Variants in PAPPA observed in about 807,000 individuals in gnomAD.
The protein encoded by PAPPA is pappalysin-1.
PAPPA carries 60 observed loss-of-function variants against 164.0 expected under a neutral mutation model. The ratio of observed to expected loss-of-function variants is 0.37; its 90% CI spans 0.30 to 0.45. The LOEUF is 0.45. PAPPA is among the 20% of genes least tolerant of loss of function. PAPPA has a pLI of 1.00. For synonymous variants in PAPPA, 875 were observed against 814.1 expected (o/e 1.07, Z -1.27); for missense variants, 1,782 against 2,087.3 (o/e 0.85, Z 2.85).
At chr9:116,221,517 C>G (rs181367242) in intron 5 of PAPPA, among the ~76,000 whole-genome samples, 123 of 152,202 alleles carry the variant, frequency 8.1e-4, no homozygotes, top group Non-Finnish European at 1.2e-4. Flanking sequence ...TAACCTTGTA[C>G]AAAACAAATC....
At chr9:116,190,411 C>T (rs1443510958) in intron 2 of PAPPA, among the ~76,000 whole-genome samples, 1 of 152,178 alleles carries the variant, frequency 6.6e-6, no homozygotes, top group African/African-American at 2.4e-5. Flanking sequence ...ACCCTTAGCC[C>T]TGTTTTGCTT....
At chr9:116,324,749 G>T (rs1845900913) in intron 10 of PAPPA, among the ~76,000 whole-genome samples, 1 of 152,094 alleles carries the variant, frequency 6.6e-6, no homozygotes, top group South Asian at 2.1e-4. Context: ...CAGCGGTGGT[G>T]GGCGTGGGGG....
Position 116,393,842 on chromosome 9 carries a change from G to T in PAPPA, c.4777-2667G>T, listed in dbSNP as rs190914588. On this transcript the variant is annotated intron_variant, in intron 21 of 21. Coordinates refer to ENST00000328252, the MANE Select transcript of PAPPA (RefSeq NM_002581.5). Reference sequence around the variant, plus strand: ...CCAATAAATAAAGAAGCCACTGAGAGTGAGGAGGAGAAGGAAACCATGTAA... The same window carrying T: ...CCAATAAATAAAGAAGCCACTGAGATTGAGGAGGAGAAGGAAACCATGTAA... Among the ~76,000 whole-genome samples, 11 of 152,294 alleles carry T rather than the reference G, an allele frequency of 7.2e-5. No individual in the cohort carries two copies. In the East Asian group the frequency reaches 1.7e-3, roughly 24 times the overall value.
chr9:116,188,109 T>C lies in PAPPA; in HGVS notation c.1371T>C (p.Cys457=), dbSNP rs1055607460. ...TGAAGAAGCAGCACAACGGGGTGTG[T>C]GACATGGACTGCAACTATGAACGGT... is the stretch of plus-strand genomic sequence containing the variant. The part of the protein sequence containing the change: ...AFVKKQHNGV[C]DMDCNYERFN... Residue 457 remains cysteine, a synonymous_variant, in exon 2 of 22, where the codon TGT becomes TGC. Coordinates refer to ENST00000328252, the MANE Select transcript of PAPPA (RefSeq NM_002581.5). The C allele has an allele frequency of 1.2e-6, 2 of 1,614,068 alleles. No homozygotes were observed. Among genetic ancestry groups the C allele is most frequent in the African/African-American group, 2.7e-5 (2 of 74,918 alleles).
intron 1 of PAPPA, among the ~76,000 whole-genome samples, chr9:116,186,234 G>A (rs1843967974): frequency 6.7e-6 from 1 of 148,500 alleles, no homozygotes; most frequent in African/African-American, 2.5e-5. Flanking sequence ...GTGTGTGTGT[G>A]TGTATCTATA....
intron 5 of PAPPA, among the ~76,000 whole-genome samples, chr9:116,222,925 T>C (rs1270615274): frequency 6.6e-6 from 1 of 152,234 alleles, no homozygotes; most frequent in African/African-American, 2.4e-5. Context: ...TGTAAACATA[T>C]ATCAAAACAT....
At chr9:116,307,282 C>G (rs996651248) in intron 10 of PAPPA, among the ~76,000 whole-genome samples, 7 of 152,126 alleles carry the variant, frequency 4.6e-5, no homozygotes, top group Admixed American at 3.9e-4. Context: ...CTTGGCCCAT[C>G]CATAATACTT....
At chr9:116,172,821 G>T (rs1045258887) in intron 1 of PAPPA, among the ~76,000 whole-genome samples, 1 of 151,976 alleles carries the variant, frequency 6.6e-6, no homozygotes, top group East Asian at 1.9e-4. Flanking sequence ...CCAAACTTTT[G>T]ATTTAAAGTC....
intron 21 of PAPPA, among the ~76,000 whole-genome samples, chr9:116,383,798 T>G (rs1043597012): frequency 8.5e-5 from 13 of 152,334 alleles, no homozygotes; most frequent in African/African-American, 3.1e-4. Context: ...TTCGGTTTGG[T>G]TTTGATTTTT....
intron 7 of PAPPA, among the ~76,000 whole-genome samples, chr9:116,243,733 T>G (rs918044113): frequency 3.9e-5 from 6 of 152,152 alleles, no homozygotes; most frequent in African/African-American, 1.4e-4. Context: ...TTTTTATTGT[T>G]TTTTTGAACA....
chr9:116,230,112 A>G (rs1412955730), intron 6 of PAPPA, among the ~76,000 whole-genome samples: 4 of 152,274 alleles, frequency 2.6e-5, no homozygotes, highest in African/African-American at 9.6e-5. Context: ...CGGAGCTCCA[A>G]GGAAACCCAG....
intron 1 of PAPPA, among the ~76,000 whole-genome samples, chr9:116,165,322 G>A (rs970252307): frequency 4.6e-5 from 7 of 152,132 alleles, no homozygotes; most frequent in Admixed American, 4.6e-4. Flanking sequence ...GGAAATGTTA[G>A]CACATTCTAC....
rs1219890424 is a variant in PAPPA at position 116,169,413 on chromosome 9, G to A, written c.415+14826G>A. 2.2e-5 allele frequency among the ~76,000 whole-genome samples: 3 copies of A among 135,638 alleles called. No individual in the cohort carries two copies. The Admixed American group carries it at 2.5e-4, about 11-fold the overall frequency. The allele number at this position is 135,638 out of a possible 152,430, so 89.0% of individuals were successfully genotyped here. ...TGGCTTACTGCAACCTCCACCTCCC[G>A]AGGTCAAGCAATTCTCCTGCCTCAG... On this transcript the variant is annotated intron_variant, in intron 1 of 21. Coordinates refer to ENST00000328252, the MANE Select transcript of PAPPA (RefSeq NM_002581.5).
chr9:116,297,880 T>G (rs1168222503), intron 9 of PAPPA, among the ~76,000 whole-genome samples: 2 of 152,232 alleles, frequency 1.3e-5, no homozygotes, highest in Non-Finnish European at 2.9e-5. Context: ...TTATGCTATT[T>G]GATCATCCTC....
intron 10 of PAPPA, among the ~76,000 whole-genome samples, chr9:116,322,818 C>T (rs1039265871): frequency 6.6e-6 from 1 of 152,042 alleles, no homozygotes; most frequent in African/African-American, 2.4e-5. Context: ...GTGTGTGTTG[C>T]ACACTTGTAC....
At chr9:116,239,762 C>T (rs1844714491) in intron 7 of PAPPA, among the ~76,000 whole-genome samples, 1 of 152,142 alleles carries the variant, frequency 6.6e-6, no homozygotes, top group Admixed American at 6.5e-5. Context: ...ACTACCCATA[C>T]TACTTCCTAC....
At chr9:116,342,256 A>G (rs942041182) in intron 13 of PAPPA, among the ~76,000 whole-genome samples, 5 of 152,170 alleles carry the variant, frequency 3.3e-5, no homozygotes, top group African/African-American at 7.2e-5. Flanking sequence ...GAACAGATGC[A>G]TTGTTTAGTG....
At chr9:116,386,501 T>G (rs1846813987) in intron 21 of PAPPA, among the ~76,000 whole-genome samples, 1 of 152,210 alleles carries the variant, frequency 6.6e-6, no homozygotes, top group Admixed American at 6.5e-5. Flanking sequence ...GTCACTATTC[T>G]TATTCCCATC....
intron 7 of PAPPA, among the ~76,000 whole-genome samples, chr9:116,263,055 G>A (rs76689324): frequency 0.015 from 2,257 of 152,146 alleles, 24 homozygotes; most frequent in Non-Finnish European, 0.022. Context: ...TTAACTTAAG[G>A]GAGTGACTTG....
Sources: gnomAD v4.1 joint callset for allele counts (sites outside exome capture counted in the v4.1 genomes callset) on GRCh38, gnomAD v4.1.1 for gene constraint, MANE v1.5 for transcripts, NCBI Gene and HGNC (gene_info 2026-07-23, HGNC 2026-07-21) for gene names.